The following SETD3 variants were observed in gnomAD, a reference collection of about 807,000 sequenced individuals.
SETD3 encodes the protein actin-histidine N-methyltransferase.
In SETD3, 19 loss-of-function variants were observed where a neutral mutation model predicts 63.0. That is an observed-to-expected ratio of 0.30 (90% CI 0.21 to 0.44). The LOEUF (loss-of-function observed/expected upper bound fraction) is 0.44. Among genes scored for constraint, SETD3 ranks in the 20% least tolerant of loss-of-function variants. The probability of loss-of-function intolerance (pLI) is 1.00; values close to 1 mark genes in which losing one functional copy is unlikely to be tolerated. For missense variants in SETD3, 587 were observed against 728.5 expected, an observed-to-expected ratio of 0.81 and a Z score of 2.24; for synonymous variants, 286 against 264.1, an observed-to-expected ratio of 1.08 and a Z score of -0.80.
At chr14:99,453,755 G>A (rs1894597344) in intron 6 of SETD3, among the ~76,000 whole-genome samples, 1 of 151,916 alleles carries the variant, frequency 6.6e-6, no homozygotes, top group Non-Finnish European at 1.5e-5. Flanking sequence ...GAACCCGGGA[G>A]GCTGAGGTTG....
intron 2 of SETD3, among the ~76,000 whole-genome samples, chr14:99,464,559 T>C (rs1895261284): frequency 6.6e-6 from 1 of 152,096 alleles, no homozygotes; most frequent in South Asian, 2.1e-4. Context: ...CACCGGCCAG[T>C]AGGGTCCAGG....
At chr14:99,430,363 A>G (rs1221536903) in intron 6 of SETD3, among the ~76,000 whole-genome samples, 1 of 152,236 alleles carries the variant, frequency 6.6e-6, no homozygotes, top group Non-Finnish European at 1.5e-5. Flanking sequence ...GAATATGTGA[A>G]GCTTTAATTT....
At chr14:99,482,081 G>GT (rs1896349896), upstream of SETD3, among the ~76,000 whole-genome samples, 1 of 152,186 alleles carries the variant, frequency 6.6e-6, no homozygotes, top group African/African-American at 2.4e-5. Flanking sequence ...AAATTGGAGC[G>GT]TAAGTCTAGA....
At chr14:99,474,709 A>T (rs935870480) in intron 1 of SETD3, among the ~76,000 whole-genome samples, 5 of 152,208 alleles carry the variant, frequency 3.3e-5, no homozygotes, top group Admixed American at 1.3e-4. Flanking sequence ...TACTAAAAAT[A>T]GTCCCAGTTA....
At chr14:99,408,756 T>C (rs187223014) in intron 8 of SETD3, among the ~76,000 whole-genome samples, 27 of 152,332 alleles carry the variant, frequency 1.8e-4, no homozygotes, top group African/African-American at 6.5e-4. Context: ...GCTGAGTGTC[T>C]AACTTCTTTG....
chr14:99,432,310 G>T (rs965652059), intron 6 of SETD3, among the ~76,000 whole-genome samples: 1 of 152,072 alleles, frequency 6.6e-6, no homozygotes, highest in African/African-American at 2.4e-5. Context: ...TGAATATTTT[G>T]TGCAGGAAAA....
intron 6 of SETD3, among the ~76,000 whole-genome samples, chr14:99,420,891 C>T (rs1395059987): frequency 7.9e-6 from 1 of 126,970 alleles, no homozygotes; most frequent in East Asian, 2.3e-4. Flanking sequence ...GTCATCCAAG[C>T]ATGCTGCCCA....
intron 8 of SETD3, chr14:99,409,982 G>C (rs570639253): frequency 5.3e-5 from 23 of 432,448 alleles, no homozygotes; most frequent in Admixed American, 3.1e-4. Context: ...ATGGGAGGCG[G>C]GGGGGTGAAC....
chr14:99,454,239 G>A (rs1894627664), intron 6 of SETD3, among the ~76,000 whole-genome samples: 1 of 152,014 alleles, frequency 6.6e-6, no homozygotes, highest in Admixed American at 6.5e-5. Flanking sequence ...GCCCAAGCTG[G>A]AATGCAGTGG....
intron 2 of SETD3, among the ~76,000 whole-genome samples, chr14:99,463,981 A>G (rs1357599713): frequency 6.6e-6 from 1 of 152,266 alleles, no homozygotes; most frequent in African/African-American, 2.4e-5. Context: ...AAAAGTTAAT[A>G]GTAAAAGTCA....
chr14:99,408,702 C>A (rs1302822219), intron 8 of SETD3, among the ~76,000 whole-genome samples: 1 of 152,224 alleles, frequency 6.6e-6, no homozygotes, highest in Non-Finnish European at 1.5e-5. Context: ...GGGATCCTGC[C>A]CCGGTCTGCA....
chr14:99,473,990 C>T (rs1396459591), intron 1 of SETD3, among the ~76,000 whole-genome samples: 6 of 152,182 alleles, frequency 3.9e-5, no homozygotes, highest in South Asian at 4.1e-4. Flanking sequence ...CCAGTTTACA[C>T]GGCTAACCGG....
At chr14:99,426,790 C>A (rs1023521825) in intron 6 of SETD3, among the ~76,000 whole-genome samples, 1 of 152,162 alleles carries the variant, frequency 6.6e-6, no homozygotes, top group Non-Finnish European at 1.5e-5. Flanking sequence ...CACACCAGAA[C>A]GGCCTGCCAA....
chr14:99,475,218 C>A (rs1895908813), intron 1 of SETD3, among the ~76,000 whole-genome samples: 1 of 152,196 alleles, frequency 6.6e-6, no homozygotes, highest in East Asian at 1.9e-4. Flanking sequence ...CAAGGAGCAA[C>A]AGGATTAGAG....
intron 11 of SETD3, among the ~76,000 whole-genome samples, chr14:99,403,953 T>A (rs1891540621): frequency 6.6e-6 from 1 of 152,196 alleles, no homozygotes; most frequent in Non-Finnish European, 1.5e-5. Flanking sequence ...TTTGATATAT[T>A]TACCCTATCC....
At chr14:99,481,811 C>G (rs1435905660), upstream of SETD3, among the ~76,000 whole-genome samples, 3 of 152,236 alleles carry the variant, frequency 2.0e-5, no homozygotes, top group Admixed American at 2.0e-4. Context: ...CACAGTCTCA[C>G]AGCCACAGAC....
At chr14:99,410,177 G>A (rs1188894586) in intron 8 of SETD3, 2 of 1,612,208 alleles carry the variant, frequency 1.2e-6, no homozygotes, top group African/African-American at 1.3e-5. Flanking sequence ...GAGGGTCTTA[G>A]GCAGAGGCGA....
chr14:99,463,401 G>T, intron 3 of SETD3, 85 bp downstream of exon 3: 1 of 978,542 alleles, frequency 1.0e-6, no homozygotes, highest in South Asian at 1.4e-5. Context: ...ATGATGCTGA[G>T]ACCTTTACTA....
At chr14:99,422,102 C>T (rs186982346) in intron 6 of SETD3, among the ~76,000 whole-genome samples, 64 of 152,278 alleles carry the variant, frequency 4.2e-4, no homozygotes, top group African/African-American at 1.4e-3. Context: ...GTTAAGTCTT[C>T]GGTCATAAAA....
Sources: gnomAD v4.1 joint callset for allele counts (sites outside exome capture counted in the v4.1 genomes callset) on GRCh38, gnomAD v4.1.1 for gene constraint, MANE v1.5 for transcripts, NCBI Gene and HGNC (gene_info 2026-07-23, HGNC 2026-07-21) for gene names.